The following MAGI3 variants were observed in gnomAD, a reference collection of about 807,000 sequenced individuals.
The protein encoded by MAGI3 is membrane associated guanylate kinase, WW and PDZ domain containing 3.
MAGI3 carries 43 observed loss-of-function variants against 121.8 expected under a neutral mutation model. The ratio of observed to expected loss-of-function variants is 0.35; its 90% CI spans 0.28 to 0.46. The LOEUF (loss-of-function observed/expected upper bound fraction) is 0.46. MAGI3 is among the 20% of genes least tolerant of loss of function. The pLI, the probability that MAGI3 is intolerant of heterozygous loss-of-function variation, is 1.00. For synonymous variants in MAGI3, 553 were observed against 639.3 expected (o/e 0.86, Z 2.04); for missense variants, 1,547 against 1,797.3 (o/e 0.86, Z 2.52).
At chr1:113,438,268 C>T (rs1423955738) in intron 1 of MAGI3, among the ~76,000 whole-genome samples, 1 of 152,072 alleles carries the variant, frequency 6.6e-6, no homozygotes, top group Non-Finnish European at 1.5e-5. Context: ...ATACAGTAGT[C>T]CCCCTGTATC....
intron 1 of MAGI3, among the ~76,000 whole-genome samples, chr1:113,541,889 T>C (rs762778811): frequency 9.2e-5 from 14 of 152,202 alleles, no homozygotes; most frequent in Non-Finnish European, 2.1e-4. Flanking sequence ...CAACACTGGA[T>C]TTCTCTCAGT....
intron 2 of MAGI3, among the ~76,000 whole-genome samples, chr1:113,571,987 T>A (rs1327436678): frequency 6.6e-6 from 1 of 152,228 alleles, no homozygotes; most frequent in Non-Finnish European, 1.5e-5. Context: ...TCAAAGAGAA[T>A]GCTTCCAGCT....
At chr1:113,442,826 C>T (rs987906266) in intron 1 of MAGI3, among the ~76,000 whole-genome samples, 7 of 152,102 alleles carry the variant, frequency 4.6e-5, no homozygotes, top group African/African-American at 1.7e-4. Flanking sequence ...GTTAGCCTCA[C>T]AGCTGCTAGT....
At chr1:113,538,333 A>G (rs1009728806) in intron 1 of MAGI3, among the ~76,000 whole-genome samples, 3 of 152,204 alleles carry the variant, frequency 2.0e-5, no homozygotes, top group Non-Finnish European at 4.4e-5. Context: ...AAACCCAGTT[A>G]TTATGTTTTC....
chr1:113,602,723 T>G (rs1649483213), intron 6 of MAGI3, among the ~76,000 whole-genome samples: 2 of 152,244 alleles, frequency 1.3e-5, no homozygotes, highest in South Asian at 4.2e-4. Context: ...CTTGGTAATT[T>G]GAGACCAGCC....
intron 1 of MAGI3, among the ~76,000 whole-genome samples, chr1:113,524,034 G>A (rs920799289): frequency 5.9e-5 from 9 of 152,130 alleles, no homozygotes; most frequent in East Asian, 1.9e-4. Context: ...GGTACAGCTC[G>A]GGCCATGGCT....
At chr1:113,636,813 A>G (rs1460890188) in intron 9 of MAGI3, among the ~76,000 whole-genome samples, 1 of 150,936 alleles carries the variant, frequency 6.6e-6, no homozygotes, top group African/African-American at 2.4e-5. Context: ...GATCTGTCTA[A>G]TGTTGACAGT....
rs75170392 is a variant in MAGI3, at chr1:113,454,055, G to T, written c.316+62706G>T. Among the ~76,000 whole-genome samples the T allele has an allele frequency of 2.2e-3, 333 of 152,272 alleles. 4 individuals are homozygous for T. The East Asian group carries it at 0.03, about 14-fold the overall frequency. On this transcript the variant is annotated intron_variant, in intron 1 of 20. Coordinates refer to ENST00000307546, the MANE Select transcript of MAGI3 (RefSeq NM_001142782.2). Reference sequence around the variant, plus strand: ...AGAGCATATACCTCAGATATCTCTAGAAGAGTTACCAAAACTGATCTTCTA... The same window carrying T: ...AGAGCATATACCTCAGATATCTCTATAAGAGTTACCAAAACTGATCTTCTA...
intron 13 of MAGI3, among the ~76,000 whole-genome samples, chr1:113,649,754 G>A (rs943248163): frequency 1.4e-4 from 22 of 152,144 alleles, no homozygotes; most frequent in South Asian, 4.1e-4. Flanking sequence ...GTTTCACCTC[G>A]TCTTATTAAT....
At chr1:113,487,474 C>G (rs1421660575) in intron 1 of MAGI3, among the ~76,000 whole-genome samples, 1 of 152,000 alleles carries the variant, frequency 6.6e-6, no homozygotes, top group Non-Finnish European at 1.5e-5. Context: ...TGGTGATAAC[C>G]TTGAGCAGTA....
intron 1 of MAGI3, among the ~76,000 whole-genome samples, chr1:113,443,926 A>G (rs1340120860): frequency 6.6e-6 from 1 of 152,236 alleles, no homozygotes; most frequent in African/African-American, 2.4e-5. Context: ...TTATGCAACT[A>G]TCAGAAGAGG....
At position 113,659,165 on chromosome 1, in the gene MAGI3, A is replaced by G; in HGVS notation, c.2715A>G (p.Ala905=). The G allele has an allele frequency of 3.7e-6, 6 of 1,614,124 alleles. No homozygotes were observed. Among genetic ancestry groups the G allele is most frequent in the Non-Finnish European group, 5.1e-6 (6 of 1,179,972 alleles). The change falls in exon 16 of 21, where the codon GCA becomes GCG. Residue 905 remains alanine, a synonymous_variant. Coordinates refer to ENST00000307546, the MANE Select transcript of MAGI3 (RefSeq NM_001142782.2). ...GKLKVGDHIS[A]VNGQSIVELS... ...TGAAAGTTGGAGATCATATCTCTGCAGTGAATGGGCAGTCCATTGTTGAAC... is the reference window on the plus strand; with the variant it reads ...TGAAAGTTGGAGATCATATCTCTGCGGTGAATGGGCAGTCCATTGTTGAAC...
intron 1 of MAGI3, among the ~76,000 whole-genome samples, chr1:113,462,928 C>T (rs1655103521): frequency 2.0e-5 from 3 of 152,116 alleles, no homozygotes; most frequent in Non-Finnish European, 1.5e-5. Flanking sequence ...ATCACTGAGG[C>T]CCTGTAATAT....
chr1:113,614,370 C>T (rs999080864), intron 6 of MAGI3, among the ~76,000 whole-genome samples: 10 of 152,078 alleles, frequency 6.6e-5, no homozygotes, highest in Non-Finnish European at 8.8e-5. Flanking sequence ...TTCATATGAA[C>T]ACCTTTTTGT....
Position 113,651,068 on chromosome 1 carries a change from C to T in MAGI3, c.2302C>T (p.Arg768Cys), listed in dbSNP as rs372270961. ...LGAAEKDGRL[R>C]AADELMCIDG... ...AGCAGCTGAGAAAGATGGTCGGCTC[C>T]GCGCAGCTGATGAACTAATGTGCAT... Residue 768 changes from arginine to cysteine, a missense_variant, in exon 14 of 21, where the codon CGC becomes TGC. Transcript: ENST00000307546. The T allele has an allele frequency of 7.4e-5, 120 of 1,614,106 alleles. No individual in the cohort carries two copies. Among genetic ancestry groups the T allele is most frequent in the Middle Eastern group, 6.6e-4 (4 of 6,062 alleles).
intron 1 of MAGI3, among the ~76,000 whole-genome samples, chr1:113,507,407 A>G (rs1458841357): frequency 9.9e-5 from 15 of 152,174 alleles, no homozygotes; most frequent in Non-Finnish European, 4.4e-5. Flanking sequence ...TCTGTTTTAC[A>G]TGGTATTGAA....
At chr1:113,431,195 A>G (rs770115327) in intron 1 of MAGI3, among the ~76,000 whole-genome samples, 1 of 152,166 alleles carries the variant, frequency 6.6e-6, no homozygotes, top group Non-Finnish European at 1.5e-5. Flanking sequence ...GTGTATGCCT[A>G]TAGTGCTAGC....
chr1:113,552,204 G>A (rs989986909), intron 2 of MAGI3, among the ~76,000 whole-genome samples: 3 of 151,944 alleles, frequency 2.0e-5, no homozygotes, highest in African/African-American at 7.3e-5. Flanking sequence ...CAATCCTTAT[G>A]TTGTTATTTT....
intron 1 of MAGI3, among the ~76,000 whole-genome samples, chr1:113,496,730 G>C (rs1360886985): frequency 6.6e-6 from 1 of 151,660 alleles, no homozygotes; most frequent in African/African-American, 2.4e-5. Context: ...TGTGTTTATA[G>C]TTTTCAGAAT....
Sources: allele counts gnomAD v4.1 joint callset (sites outside exome capture counted in the v4.1 genomes callset), GRCh38; gene constraint gnomAD v4.1.1; transcripts MANE v1.5; gene names NCBI Gene and HGNC (gene_info 2026-07-23, HGNC 2026-07-21).